NALCN: variants seen among roughly 807,000 people sequenced by gnomAD.
The protein encoded by NALCN is sodium leak channel NALCN.
NALCN carries 111 observed loss-of-function variants against 225.3 expected under a neutral mutation model. The ratio of observed to expected loss-of-function variants is 0.49; its 90% confidence interval spans 0.42 to 0.58. The LOEUF (loss-of-function observed/expected upper bound fraction) is 0.58. NALCN is among the 20% of genes least tolerant of loss of function. The pLI is 0.00. For missense variants in NALCN, 1,378 were observed against 2,202.4 expected (o/e 0.63, Z 7.49); for synonymous variants, 764 against 769.0 (o/e 0.99, Z 0.11).
chr13:101,302,781 G>T (rs1472108511), intron 7 of NALCN, among the ~76,000 whole-genome samples: 1 of 152,038 alleles, frequency 6.6e-6, no homozygotes, highest in Non-Finnish European at 1.5e-5. Flanking sequence ...GTTTACATAT[G>T]TGAATAAAAA....
rs575763015 is a variant in NALCN, at chr13:101,347,764, A to C, written c.645-2344T>G. On this transcript the variant is annotated intron_variant, in intron 6 of 43. Transcript: ENST00000251127. Reference sequence around the variant, plus strand: ...CATCTGTAAGGTAGAGAGAGTAATCATAATTAAAAGCAAAGCTCATGTGAG... The same window carrying C: ...CATCTGTAAGGTAGAGAGAGTAATCCTAATTAAAAGCAAAGCTCATGTGAG... 2.0e-5 allele frequency among the ~76,000 whole-genome samples: 3 copies of C among 152,308 alleles called. No homozygotes were observed. The South Asian group carries it at 6.2e-4, about 32-fold the overall frequency.
rs569836109 is a variant in NALCN at position 101,278,354 on chromosome 13, T to C, written c.1134+5579A>G. Among the ~76,000 whole-genome samples, 49 of 151,530 alleles carry C rather than the reference T, an allele frequency of 3.2e-4. 1 individual carries two copies. The East Asian group carries it at 9.0e-3, about 28-fold the overall frequency. The stretch of plus-strand genomic sequence containing the variant: ...CCTGACCAACATGGTGAAACCCGGT[T>C]TCTACTAAAAATACAAAAATCAGCC... On this transcript the variant is annotated intron_variant, in intron 10 of 43. Transcript: ENST00000251127.
chr13:101,194,806 C>T (rs377033218), intron 13 of NALCN, among the ~76,000 whole-genome samples: 3 of 152,246 alleles, frequency 2.0e-5, no homozygotes, highest in East Asian at 3.9e-4. Context: ...GAGTTCCAGA[C>T]CAGCCTGGCC....
intron 10 of NALCN, 140 bp from the exon 11 acceptor site, chr13:101,258,714 C>T (rs2140217871): frequency 8.6e-7 from 1 of 1,167,604 alleles, no homozygotes; most frequent in Non-Finnish European, 1.2e-6. Flanking sequence ...CCATCCATGT[C>T]CCACACTGCT....
At position 101,237,853 on chromosome 13, in the gene NALCN, T is replaced by C. The variant is rs2140156727; in HGVS notation, c.1336A>G (p.Ile446Val). The stretch of plus-strand genomic sequence containing the variant: ...TCGAATTTGTGGAGAGATGAGCTAA[T>C]ATATCCAGTAAATCCCAAACACCAT... The part of the protein sequence containing the change: ...KIWCLGFTGY[I>V]SSSLHKFELL... The change falls in exon 12 of 44, where the codon ATT becomes GTT. Residue 446 changes from isoleucine (I) to valine (V), a missense_variant. This residue lies in a region of NALCN where 144 missense variants were observed against 187.7 expected (regional missense o/e 0.77). Coordinates refer to ENST00000251127, the MANE Select transcript of NALCN (RefSeq NM_052867.4). The C allele has an allele frequency of 6.2e-7, 1 of 1,605,824 alleles. No homozygotes were observed. The highest frequency in any genetic ancestry group is 1.7e-5 in the Admixed American group (1 of 58,508).
intron 3 of NALCN, among the ~76,000 whole-genome samples, chr13:101,391,932 C>T (rs775153593): frequency 7.6e-5 from 11 of 145,258 alleles, no homozygotes; most frequent in East Asian, 2.0e-4. Context: ...TGCAGTGAGC[C>T]GAAAATGAAC....
intron 6 of NALCN, among the ~76,000 whole-genome samples, chr13:101,372,722 T>C (rs2046575030): frequency 6.6e-6 from 1 of 152,150 alleles, no homozygotes; most frequent in Non-Finnish European, 1.5e-5. Context: ...AGGAAAATTA[T>C]ATTTTTAAAT....
intron 15 of NALCN, among the ~76,000 whole-genome samples, chr13:101,157,374 T>G (rs557521070): frequency 6.6e-6 from 1 of 152,224 alleles, no homozygotes; most frequent in South Asian, 2.1e-4. Flanking sequence ...TTTGAAGAAA[T>G]GGCTGGCTTT....
chr13:101,335,866 T>C (rs1594698361), intron 7 of NALCN, among the ~76,000 whole-genome samples: 2 of 152,266 alleles, frequency 1.3e-5, no homozygotes, highest in Admixed American at 1.3e-4. Context: ...TGTAAAGTTC[T>C]CATCTGATAT....
intron 13 of NALCN, among the ~76,000 whole-genome samples, chr13:101,194,307 C>T (rs1225259884): frequency 6.6e-6 from 1 of 152,108 alleles, no homozygotes; most frequent in African/African-American, 2.4e-5. Flanking sequence ...TTGTGAGATG[C>T]ACTAAATTAT....
chr13:101,189,617 G>C (rs1034222096), intron 14 of NALCN, among the ~76,000 whole-genome samples: 1 of 152,186 alleles, frequency 6.6e-6, no homozygotes, highest in Non-Finnish European at 1.5e-5. Context: ...GCTAGAACCT[G>C]AATCTGGATT....
In NALCN at chr13:101,143,180, T is replaced by C; in HGVS notation, c.2018A>G (p.Asp673Gly). The C allele has an allele frequency of 6.2e-7, 1 of 1,613,530 alleles. No homozygotes were observed. Among genetic ancestry groups the C allele is most frequent in the Non-Finnish European group, 8.5e-7 (1 of 1,179,858 alleles). Reference protein sequence around the residue: ...MKQFIDRQQQDTCCLLRSLPT... With the variant: ...MKQFIDRQQQGTCCLLRSLPT... Reference sequence around the variant, plus strand: ...GAGGCTTCTCAGGAGGCAACATGTGTCCTGTTGCTGGCGGTCAATAAACTG... The same window carrying C: ...GAGGCTTCTCAGGAGGCAACATGTGCCCTGTTGCTGGCGGTCAATAAACTG... The change falls in exon 17 of 44, where the codon GAC (aspartate) becomes GGC (glycine). Residue 673 changes from aspartate (D) to glycine (G), a missense_variant. Coordinates refer to ENST00000251127, the MANE Select transcript of NALCN (RefSeq NM_052867.4).
intron 15 of NALCN, among the ~76,000 whole-genome samples, chr13:101,149,230 T>C (rs1237324888): frequency 6.6e-6 from 1 of 151,396 alleles, no homozygotes; most frequent in Non-Finnish European, 1.5e-5. Context: ...GAGGTGGAGC[T>C]TACAGTGAGC....
At chr13:101,340,302 G>GC (rs1208643817) in intron 7 of NALCN, among the ~76,000 whole-genome samples, 1 of 151,870 alleles carries the variant, frequency 6.6e-6, no homozygotes, top group African/African-American at 2.4e-5. Flanking sequence ...CCGTGCCCCT[G>GC]CCCCAATGCC....
intron 14 of NALCN, among the ~76,000 whole-genome samples, chr13:101,185,325 G>A (rs1205223131): frequency 1.3e-5 from 2 of 152,208 alleles, no homozygotes; most frequent in Non-Finnish European, 2.9e-5. Flanking sequence ...AAAATCAAGA[G>A]ATTGCTGTGT....
intron 2 of NALCN, among the ~76,000 whole-genome samples, chr13:101,397,620 C>A (rs2047352082): frequency 6.6e-6 from 1 of 150,602 alleles, no homozygotes. Flanking sequence ...ATACATATAA[C>A]CTGTTATATG....
intron 16 of NALCN, among the ~76,000 whole-genome samples, chr13:101,144,004 T>C (rs1427239925): frequency 6.6e-6 from 1 of 152,180 alleles, no homozygotes. Flanking sequence ...GAAATGCAAA[T>C]ATATTTCTAC....
rs9513890 is a variant in NALCN, at chr13:101,413,563, T to G, written c.-40+2750A>C. Among the ~76,000 whole-genome samples, 11 of 151,622 alleles carry G rather than the reference T, an allele frequency of 7.3e-5. No homozygotes were observed. In the South Asian group the frequency reaches 2.3e-3, roughly 31 times the overall value. ...AATATTTATAATAAATATTCAGTGG[T>G]AAAAACAGTATAAAAGTTGTCCAAT... On this transcript the variant is annotated intron_variant, in intron 1 of 43. Transcript: ENST00000251127.
At chr13:101,058,206 T>C in intron 42 of NALCN, 150 bp from the exon 43 acceptor site, 1 of 637,744 alleles carries the variant, frequency 1.6e-6, no homozygotes. Context: ...TGAAAATGGG[T>C]ATAAAGGGTC....
Sources: gnomAD v4.1 joint callset for allele counts (sites outside exome capture counted in the v4.1 genomes callset) on GRCh38, gnomAD v4.1.1 for gene constraint, gnomAD v4.1.1 regional missense constraint, MANE v1.5 for transcripts, NCBI Gene and HGNC (gene_info 2026-07-23, HGNC 2026-07-21) for gene names.